The following MARCHF10 variants were observed in gnomAD, a reference collection of about 807,000 sequenced individuals.
MARCHF10 encodes membrane associated ring-CH-type finger 10.
In MARCHF10, 64 loss-of-function variants were observed where a neutral mutation model predicts 76.2. The ratio of observed to expected loss-of-function variants is 0.84; its 90% confidence interval spans 0.69 to 1.03. The LOEUF is 1.03. Among genes scored for constraint, MARCHF10 ranks in the 50% least tolerant of loss-of-function variants. MARCHF10 has a pLI of 0.00. For missense variants in MARCHF10, 875 were observed against 958.0 expected, an observed-to-expected ratio of 0.91 and a Z score of 1.14; for synonymous variants, 340 against 357.5, an observed-to-expected ratio of 0.95 and a Z score of 0.55.
intron 5 of MARCHF10, among the ~76,000 whole-genome samples, chr17:62,740,248 C>T (rs2091459037): frequency 6.6e-6 from 1 of 152,146 alleles, no homozygotes; most frequent in African/African-American, 2.4e-5. Context: ...TATTCATAGA[C>T]CAGGCCCTGC....
chr17:62,710,549 G>GTTTTT (rs1568093469), intron 9 of MARCHF10, among the ~76,000 whole-genome samples: 1 of 116,980 alleles, frequency 8.5e-6, no homozygotes, highest in African/African-American at 3.6e-5. Context: ...TTTGAACCCA[G>GTTTTT]CTTTTTTTTT....
chr17:62,741,861 AT>A (rs1044487865), intron 5 of MARCHF10, among the ~76,000 whole-genome samples: 42 of 147,456 alleles, frequency 2.8e-4, no homozygotes, highest in East Asian at 1.6e-3. Context: ...CGCCTGGCTA[AT>A]TTTTTTTTTG....
rs1411096726 is a variant in MARCHF10, at chr17:62,705,553, G to C, written c.2357C>G (p.Thr786Arg). 3.7e-6 allele frequency: 6 copies of C among 1,614,084 alleles called. No individual in the cohort carries two copies. Among genetic ancestry groups the C allele is most frequent in the Admixed American group, 3.3e-5 (2 of 59,980 alleles). ...CCAAAACCTACTTTCATTTTCCTCTGTTCTGGGTTGTGGGTAATTTCTTGA... is the reference window on the plus strand; with the variant it reads ...CCAAAACCTACTTTCATTTTCCTCTCTTCTGGGTTGTGGGTAATTTCTTGA... ...RLSRNYPQPR[T>R]EENENSELGD... The change falls in exon 10 of 11, where the codon ACA becomes AGA. Residue 786 changes from threonine (T) to arginine (R), a missense_variant. Physicochemically the swap from Thr to Arg is moderately conservative, Grantham distance 71. Coordinates refer to ENST00000311269, the MANE Select transcript of MARCHF10 (RefSeq NM_152598.4).
chr17:62,799,118 A>G (rs2093032552), intron 2 of MARCHF10, among the ~76,000 whole-genome samples: 2 of 152,228 alleles, frequency 1.3e-5, no homozygotes, highest in Admixed American at 1.3e-4. Context: ...TGATGATAAC[A>G]GAGGGAGCTG....
At chr17:62,757,909 A>G (rs183694196) in intron 4 of MARCHF10, among the ~76,000 whole-genome samples, 1 of 152,256 alleles carries the variant, frequency 6.6e-6, no homozygotes, top group East Asian at 1.9e-4. Context: ...CCTTTTTGTC[A>G]GTGCTATAAG....
intron 6 of MARCHF10, among the ~76,000 whole-genome samples, chr17:62,732,892 C>T (rs1449515215): frequency 6.7e-6 from 1 of 148,180 alleles, no homozygotes; most frequent in African/African-American, 2.5e-5. Flanking sequence ...ACTGGGGAGG[C>T]TGAGGCAGGA....
chr17:62,787,203 C>T (rs1156294422), intron 3 of MARCHF10, among the ~76,000 whole-genome samples: 5 of 152,068 alleles, frequency 3.3e-5, no homozygotes, highest in Admixed American at 6.6e-5. Flanking sequence ...TTTTATTGTA[C>T]GATTTTATAT....
At chr17:62,759,794 G>C (rs2092146537) in intron 4 of MARCHF10, 41 bp downstream of exon 4, 1 of 1,594,694 alleles carries the variant, frequency 6.3e-7, no homozygotes. Flanking sequence ...TTTAATACCG[G>C]GATTTTAGAT....
intron 7 of MARCHF10, among the ~76,000 whole-genome samples, chr17:62,723,141 C>A (rs114125430): frequency 0.026 from 3,949 of 150,996 alleles, 214 homozygotes; most frequent in African/African-American, 0.093. Flanking sequence ...ACAGTAGTAC[C>A]CAGGGCCAGC....
At chr17:62,729,113 A>AT (rs919071545) in intron 6 of MARCHF10, among the ~76,000 whole-genome samples, 437 of 148,214 alleles carry the variant, frequency 2.9e-3, no homozygotes, top group African/African-American at 0.01. Flanking sequence ...TTATTTATTT[A>AT]TTTTTTTTTT....
intron 2 of MARCHF10, among the ~76,000 whole-genome samples, chr17:62,793,356 CACACCTCCATCA>C (rs2092911527): frequency 7.0e-6 from 1 of 143,782 alleles, no homozygotes; most frequent in Non-Finnish European, 1.5e-5. Context: ...CCACCACCAT[CACACCTCCATCA>C]ACCACCACCA....
chr17:62,755,085 T>C (rs1428127870), intron 4 of MARCHF10, among the ~76,000 whole-genome samples: 2 of 152,236 alleles, frequency 1.3e-5, no homozygotes, highest in Non-Finnish European at 2.9e-5. Context: ...AAAGTCTTCT[T>C]ACTCCTGCAA....
At chr17:62,766,372 T>C (rs192887607) in intron 3 of MARCHF10, among the ~76,000 whole-genome samples, 5 of 150,766 alleles carry the variant, frequency 3.3e-5, no homozygotes, top group Admixed American at 1.3e-4. Flanking sequence ...TGGTGGTGCA[T>C]GCCTGTAATC....
In MARCHF10 at chr17:62,738,462, G is replaced by A. The variant is rs1451044979; in HGVS notation, c.536-1130C>T. On this transcript the variant is annotated intron_variant, in intron 5 of 10. Transcript: ENST00000311269. The surrounding 1 kb of genome is among the most constrained non-coding windows in gnomAD (Gnocchi z 4.0). ...TCCCTCCTGACATCGGCCTCCCCCCGCTTTGTTCTCCTCTCTGCTATTGTG... is the reference window on the plus strand; with the variant it reads ...TCCCTCCTGACATCGGCCTCCCCCCACTTTGTTCTCCTCTCTGCTATTGTG... 2.0e-5 allele frequency among the ~76,000 whole-genome samples: 3 copies of A among 152,188 alleles called. No individual in the cohort carries two copies. Among genetic ancestry groups the A allele is most frequent in the South Asian group, 2.1e-4 (1 of 4,812 alleles).
chr17:62,734,313 G>A (rs1289188927), intron 6 of MARCHF10, among the ~76,000 whole-genome samples: 1 of 152,132 alleles, frequency 6.6e-6, no homozygotes, highest in African/African-American at 2.4e-5. Flanking sequence ...GTGGGGAGCT[G>A]AAGGTGGGAA....
At chr17:62,789,226 T>G (rs978417642) in intron 2 of MARCHF10, among the ~76,000 whole-genome samples, 11 of 152,340 alleles carry the variant, frequency 7.2e-5, no homozygotes, top group African/African-American at 2.6e-4. Flanking sequence ...TGTGAATTTC[T>G]CTTTCTGGTC....
chr17:62,806,868 T>C (rs1015337718), intron 1 of MARCHF10, among the ~76,000 whole-genome samples: 2 of 152,208 alleles, frequency 1.3e-5, no homozygotes, highest in Admixed American at 6.5e-5. Flanking sequence ...AAAGAACTGA[T>C]TTGAAGGAGC....
chr17:62,737,662 T>G, intron 5 of MARCHF10: 1 of 279,068 alleles, frequency 3.6e-6, no homozygotes, highest in Non-Finnish European at 6.6e-6. Flanking sequence ...ATACTGGCTT[T>G]TGTTCCATAC....
intron 1 of MARCHF10, among the ~76,000 whole-genome samples, chr17:62,805,741 A>G (rs2093152415): frequency 6.6e-6 from 1 of 151,958 alleles, no homozygotes; most frequent in African/African-American, 2.4e-5. Context: ...GCAAAACCCC[A>G]TCTTTACTAA....
Sources: allele counts gnomAD v4.1 joint callset (sites outside exome capture counted in the v4.1 genomes callset), GRCh38; gene constraint gnomAD v4.1.1; non-coding constraint Gnocchi (gnomAD v3.1); transcripts MANE v1.5; gene names NCBI Gene and HGNC (gene_info 2026-07-23, HGNC 2026-07-21).